Variants in IPO8 observed in about 807,000 individuals in gnomAD.
IPO8 encodes importin-8.
A neutral mutation model predicts 141.2 loss-of-function variants in IPO8; 65 were observed. The observed-to-expected ratio is 0.46, with a 90% confidence interval of 0.38 to 0.57. The LOEUF (loss-of-function observed/expected upper bound fraction) is 0.57, where lower values mean the gene tolerates loss of function less well. Ranked by LOEUF, IPO8 falls within the 20% of genes least tolerant of loss-of-function variation. The pLI is 0.00. For missense variants in IPO8, 980 were observed against 1,246.8 expected (o/e 0.79, Z 3.22); for synonymous variants, 411 against 420.3 (o/e 0.98, Z 0.27).
chr12:30,682,304 C>G (rs2053197085), intron 3 of IPO8, among the ~76,000 whole-genome samples: 1 of 152,094 alleles, frequency 6.6e-6, no homozygotes, highest in Non-Finnish European at 1.5e-5. Flanking sequence ...CATCCATTAT[C>G]AATTAAAACC....
chr12:30,659,266 T>C (rs1272198394), intron 16 of IPO8, among the ~76,000 whole-genome samples: 1 of 151,962 alleles, frequency 6.6e-6, no homozygotes, highest in African/African-American at 2.4e-5. Flanking sequence ...AAGGCGGGCA[T>C]ATCACTTCAG....
At chr12:30,649,298 C>A in intron 19 of IPO8, 66 bp from the exon 20 acceptor site, 1 of 1,060,922 alleles carries the variant, frequency 9.4e-7, no homozygotes, top group South Asian at 1.5e-5. Flanking sequence ...AGTCCACATG[C>A]ACAAATGTCC....
intron 20 of IPO8, among the ~76,000 whole-genome samples, chr12:30,643,646 T>C (rs1219280480): frequency 6.6e-6 from 1 of 152,216 alleles, no homozygotes; most frequent in African/African-American, 2.4e-5. Flanking sequence ...CTTCTCACTA[T>C]CATTCTGGCA....
Position 30,649,217 on chromosome 12 carries a change from C to A in IPO8, c.2188G>T (p.Ala730Ser). ...GCATGACACTCTGCATCTTCTCCTGCATCTCCACATAGTACCTGCAGTAAT... is the reference window on the plus strand; with the variant it reads ...GCATGACACTCTGCATCTTCTCCTGAATCTCCACATAGTACCTGCAGTAAT... ...TMCRKVLCGD[A>S]GEDAECHAAK... The change falls in exon 20 of 25, where the codon GCA becomes TCA. Residue 730 changes from alanine to serine, a missense_variant. By Grantham distance (99) the Ala-to-Ser change is moderately conservative. Transcript: ENST00000256079. The A allele has an allele frequency of 6.2e-7, 1 of 1,612,646 alleles. No individual in the cohort carries two copies. The highest frequency in any genetic ancestry group is 8.5e-7 in the Non-Finnish European group (1 of 1,178,952).
chr12:30,686,943 T>C (rs1277147049), intron 2 of IPO8, among the ~76,000 whole-genome samples: 1 of 151,970 alleles, frequency 6.6e-6, no homozygotes, highest in Non-Finnish European at 1.5e-5. Context: ...TAAAATAAAA[T>C]TGAAAATATA....
intron 14 of IPO8, 85 bp from the exon 15 acceptor site, chr12:30,662,572 C>T (rs1447783035): frequency 2.0e-6 from 2 of 1,014,836 alleles, no homozygotes; most frequent in Non-Finnish European, 3.0e-6. Flanking sequence ...GGTCAAGTGA[C>T]CCAGGGTAAT....
chr12:30,652,665 G>T (rs1176189197), intron 18 of IPO8, among the ~76,000 whole-genome samples: 1 of 152,030 alleles, frequency 6.6e-6, no homozygotes. Flanking sequence ...CTGCTGGATT[G>T]CTGAGATTAG....
chr12:30,675,917 G>A (rs1274593923), intron 6 of IPO8, among the ~76,000 whole-genome samples: 2 of 151,448 alleles, frequency 1.3e-5, no homozygotes, highest in South Asian at 2.1e-4. Flanking sequence ...ATATTTGTAA[G>A]TTTTAAGTGA....
rs770376784 is a variant in IPO8, at chr12:30,639,692, C to T, written c.2312G>A (p.Arg771Gln). The change falls in exon 21 of 25, where the codon CGA (arginine) becomes CAA (glutamine). Residue 771 changes from arginine (R) to glutamine (Q), a missense_variant. Physicochemically the swap from Arg to Gln is conservative, Grantham distance 43 (BLOSUM62 1). Transcript: ENST00000256079. The part of the protein sequence containing the change: ...FVQLVLERLT[R>Q]GVKTSELRTM... Reference sequence around the variant, plus strand: ...ACGAAGCTCACTAGTTTTGACCCCTCGAGTTAATCTCTCCAAAACAAGTTG... The same window carrying T: ...ACGAAGCTCACTAGTTTTGACCCCTTGAGTTAATCTCTCCAAAACAAGTTG... 13 of 1,613,954 alleles carry T rather than the reference C, an allele frequency of 8.1e-6. No individual in the cohort carries two copies. Among genetic ancestry groups the T allele is most frequent in the Admixed American group, 1.7e-5 (1 of 60,002 alleles).
rs147935447 is a variant in IPO8, at chr12:30,647,470, C to T, written c.2268+1667G>A. The stretch of plus-strand genomic sequence containing the variant: ...CCCAGGACTTTTCTACAAAAATTAG[C>T]CAGGTGTAGTAGCACGTGCCTGCAG... On this transcript the variant is annotated intron_variant, in intron 20 of 24. Coordinates refer to ENST00000256079, the MANE Select transcript of IPO8 (RefSeq NM_006390.4). Among the ~76,000 whole-genome samples, 668 of 151,580 alleles carry T rather than the reference C, an allele frequency of 4.4e-3. 5 individuals are homozygous for T. The highest frequency in any genetic ancestry group is 0.015 in the African/African-American group (620 of 41,348).
intron 22 of IPO8, among the ~76,000 whole-genome samples, chr12:30,634,900 T>C (rs1178445512): frequency 1.3e-5 from 2 of 152,110 alleles, no homozygotes; most frequent in Non-Finnish European, 2.9e-5. Context: ...TTATTCACAA[T>C]AGCCAAGTTA....
In IPO8 at chr12:30,684,368, C is replaced by T. The variant is rs1019419031; in HGVS notation, c.256G>A (p.Glu86Lys). The change falls in exon 3 of 25, where the codon GAA becomes AAA. Residue 86 changes from glutamate to lysine, a missense_variant. This residue lies in a region of IPO8 where 924 missense variants were observed against 1,153.9 expected (regional missense o/e 0.80). Transcript: ENST00000256079. ...GEAIFPFNIH[E>K]NDRQQIRDNI... The stretch of plus-strand genomic sequence containing the variant: ...TCACGTATTTGCTGGCGATCGTTTT[C>T]GTGAATGTTGAATGGAAATATTGCT... The T allele has an allele frequency of 6.2e-7, 1 of 1,614,094 alleles. No homozygotes were observed. The highest frequency in any genetic ancestry group is 8.5e-7 in the Non-Finnish European group (1 of 1,180,004).
chr12:30,663,085 A>G (rs905545574), intron 14 of IPO8, among the ~76,000 whole-genome samples: 1 of 152,342 alleles, frequency 6.6e-6, no homozygotes, highest in South Asian at 2.1e-4. Flanking sequence ...TGCTACTTTC[A>G]AAACTAGGGG....
chr12:30,664,905 A>G (rs1185841595), intron 13 of IPO8, among the ~76,000 whole-genome samples: 1 of 152,068 alleles, frequency 6.6e-6, no homozygotes, highest in Non-Finnish European at 1.5e-5. Context: ...AAGCCCAGCT[A>G]ATTTTTTGTA....
intron 10 of IPO8, among the ~76,000 whole-genome samples, chr12:30,667,041 T>C (rs922485369): frequency 2.6e-5 from 4 of 152,222 alleles, no homozygotes; most frequent in African/African-American, 7.2e-5. Context: ...AACTGAAGTC[T>C]TGAGAGGTAT....
In IPO8 at chr12:30,695,380, A is replaced by C. The variant is rs1285088285; in HGVS notation, c.84+184T>G. Among the ~76,000 whole-genome samples the C allele has an allele frequency of 6.6e-6, 1 of 152,210 alleles. No homozygotes were observed. Among genetic ancestry groups the C allele is most frequent in the African/African-American group, 2.4e-5 (1 of 41,456 alleles). On this transcript the variant is annotated intron_variant, in intron 1 of 24. Coordinates refer to ENST00000256079, the MANE Select transcript of IPO8 (RefSeq NM_006390.4). The surrounding 1 kb of genome is among the most constrained non-coding windows in gnomAD (Gnocchi z 4.2). ...CCAACAGGTGCGCGAGCTGTTCGGC[A>C]AAGATCCTGGGAGCCCTGCTCCACT...
intron 24 of IPO8, among the ~76,000 whole-genome samples, 161 bp from the exon 25 acceptor site, chr12:30,631,118 C>T (rs560741439): frequency 1.3e-5 from 2 of 152,274 alleles, no homozygotes; most frequent in South Asian, 4.1e-4. Context: ...CTAAGAATAA[C>T]AGACCTATGT....
chr12:30,640,449 T>C (rs2052560693), intron 20 of IPO8, among the ~76,000 whole-genome samples: 1 of 152,130 alleles, frequency 6.6e-6, no homozygotes, highest in Non-Finnish European at 1.5e-5. Context: ...TAGGCCAAAT[T>C]GGATATATAT....
intron 11 of IPO8, 80 bp downstream of exon 11, chr12:30,666,095 C>T (rs2052961004): frequency 1.1e-6 from 1 of 929,072 alleles, no homozygotes; most frequent in South Asian, 1.8e-5. Flanking sequence ...CATAATTTCT[C>T]AAATACTAGG....
Sources: allele counts gnomAD v4.1 joint callset (sites outside exome capture counted in the v4.1 genomes callset), GRCh38; gene constraint gnomAD v4.1.1; regional missense constraint gnomAD v4.1.1; non-coding constraint Gnocchi (gnomAD v3.1); transcripts MANE v1.5; gene names NCBI Gene and HGNC (gene_info 2026-07-23, HGNC 2026-07-21).